Variants in SMG9 observed in about 807,000 individuals in gnomAD.
SMG9 encodes the protein SMG9 nonsense mediated mRNA decay factor.
A neutral mutation model predicts 64.0 loss-of-function variants in SMG9; 55 were observed. The ratio of observed to expected loss-of-function variants is 0.86; its 90% CI spans 0.69 to 1.08. SMG9 has a LOEUF of 1.08. Ranked by LOEUF, SMG9 falls within the 50% of genes least tolerant of loss-of-function variation. The pLI, the probability that SMG9 is intolerant of heterozygous loss-of-function variation, is 0.00. For missense variants in SMG9, 554 were observed against 681.3 expected, an observed-to-expected ratio of 0.81 and a Z score of 2.08; for synonymous variants, 244 against 254.8, an observed-to-expected ratio of 0.96 and a Z score of 0.41.
chr19:43,731,227 A>G lies in SMG9; in HGVS notation c.*369T>C, dbSNP rs1600186906. The G allele has an allele frequency of 1.9e-6, 2 of 1,052,426 alleles. No homozygotes were observed. Among genetic ancestry groups the G allele is most frequent in the Middle Eastern group, 4.5e-4 (1 of 2,230 alleles). 65.2% of individuals were successfully genotyped at this position (1,052,426 alleles called of 1,614,324 possible). A position where few individuals can be genotyped will look rare whatever the true frequency, so the allele number is the denominator to read the frequency against. On this transcript the variant is annotated 3_prime_UTR_variant, in exon 14 of 14. Coordinates refer to ENST00000270066, the MANE Select transcript of SMG9 (RefSeq NM_019108.4). ...CTCTCCAGACCCTGCCTCACCTTACAGGGAAGGGCTTAGAGTCAGGGAAGA... is the reference window on the plus strand; with the variant it reads ...CTCTCCAGACCCTGCCTCACCTTACGGGGAAGGGCTTAGAGTCAGGGAAGA...
chr19:43,739,338 C>T (rs546624314), intron 7 of SMG9, among the ~76,000 whole-genome samples: 1 of 152,332 alleles, frequency 6.6e-6, no homozygotes, highest in South Asian at 2.1e-4. Flanking sequence ...TGAAACCTCA[C>T]AAAACCCCTA....
At chr19:43,732,465 C>T (rs766411694) in intron 13 of SMG9, 3 of 188,692 alleles carry the variant, frequency 1.6e-5, no homozygotes, top group Non-Finnish European at 3.3e-5. Context: ...CTGCAGGGCC[C>T]TGCTTTCTGT....
rs575433529 is a variant in SMG9, at chr19:43,731,408, G to C, written c.*188C>G. 5.7e-6 allele frequency: 8 copies of C among 1,412,756 alleles called. No homozygotes were observed. Among genetic ancestry groups the C allele is most frequent in the Non-Finnish European group, 7.4e-6 (8 of 1,082,884 alleles). The allele number at this position is 1,412,756 out of a possible 1,614,324, so 87.5% of individuals were successfully genotyped here. ...GGTGGGATCGCTCACAGTCACCCCC[G>C]GAACAGCCCCAACTGAGGGTGGGGG... On this transcript the variant is annotated 3_prime_UTR_variant, in exon 14 of 14. Transcript: ENST00000270066.
Position 43,728,970 on chromosome 19 carries a change from A to G in SMG9, c.*2626T>C, listed in dbSNP as rs1968386012. On this transcript the variant is annotated 3_prime_UTR_variant, in exon 14 of 14. Transcript: ENST00000270066. ...CCAGGCCCATCTTGCAGCCCATCCT[A>G]GAGCAGAAGGCCTCCCTGCAGCAGT... 5 of 985,468 alleles carry G rather than the reference A, an allele frequency of 5.1e-6. No individual in the cohort carries two copies. Among genetic ancestry groups the G allele is most frequent in the Non-Finnish European group, 6.0e-6 (5 of 829,938 alleles). The allele number at this position is 985,468 out of a possible 1,614,324, so 61.0% of individuals were successfully genotyped here. A position where few individuals can be genotyped will look rare whatever the true frequency, so the allele number is the denominator to read the frequency against.
chr19:43,750,478 G>T (rs183405865), intron 2 of SMG9, 114 bp downstream of exon 2: 2 of 1,193,886 alleles, frequency 1.7e-6, no homozygotes, highest in East Asian at 4.9e-5. Context: ...ATCCATGAGG[G>T]TGGTAGGTTT....
intron 1 of SMG9, among the ~76,000 whole-genome samples, chr19:43,753,458 CTT>C (rs745479932): frequency 1.9e-4 from 23 of 118,578 alleles, no homozygotes; most frequent in African/African-American, 2.8e-4. Flanking sequence ...GAATGCTTTT[CTT>C]TTTTTTTTTT....
rs553951841 is a variant in SMG9 at position 43,748,480 on chromosome 19, TCA to T, written c.151-430_151-429del. On this transcript the variant is annotated intron_variant, in intron 2 of 13. Coordinates refer to ENST00000270066, the MANE Select transcript of SMG9 (RefSeq NM_019108.4). ...GTGAGTGGGTATGGGAATTCCTTCC[TCA>T]CAGACTATGATGAGGATGAAAGGAG... Among the ~76,000 whole-genome samples the T allele has an allele frequency of 1.5e-4, 23 of 152,344 alleles. 1 individual carries two copies. The South Asian group carries it at 4.8e-3, about 32-fold the overall frequency.
intron 10 of SMG9, 60 bp downstream of exon 10, chr19:43,734,329 G>C: frequency 7.3e-7 from 1 of 1,371,774 alleles, no homozygotes; most frequent in East Asian, 2.5e-5. Flanking sequence ...GCGTGCTCCT[G>C]ACTTTCAGCC....
rs762310039 is a variant in SMG9 at position 43,733,717 on chromosome 19, T to A, written c.1119A>T (p.Lys373Asn). The A allele has an allele frequency of 3.1e-6, 5 of 1,614,100 alleles. No homozygotes were observed. The South Asian group carries it at 5.5e-5, about 18-fold the overall frequency. The change falls in exon 11 of 14, where the codon AAA (lysine) becomes AAT (asparagine). Residue 373 changes from lysine (K) to asparagine (N), a missense_variant. Lys to Asn is a moderately conservative substitution (Grantham distance 94, BLOSUM62 0). Coordinates refer to ENST00000270066, the MANE Select transcript of SMG9 (RefSeq NM_019108.4). ...YYPHLVFLQNKARREDFCPRK... is the reference protein window; with the variant it reads ...YYPHLVFLQNNARREDFCPRK... ...GAGGACAGAAGTCCTCTCGGCGAGC[T>A]TTGTTCTGCAAGAAGACTGAGGGTG...
intron 2 of SMG9, among the ~76,000 whole-genome samples, chr19:43,749,010 T>A (rs556417875): frequency 2.6e-5 from 4 of 152,190 alleles, no homozygotes; most frequent in Non-Finnish European, 5.9e-5. Flanking sequence ...AATTTGGGAT[T>A]TTTTTGAACT....
rs1039319641 is a variant in SMG9, at chr19:43,754,951, C to G, written c.-304G>C. ...TGCGCATGCGCTGAGGGCTGGAGCT[C>G]GAGAACTGAATGCGCTCGCCGGGCT... is the stretch of plus-strand genomic sequence containing the variant. On this transcript the variant is annotated 5_prime_UTR_variant, in exon 1 of 14. Transcript: ENST00000270066. 2 of 152,260 alleles carry G rather than the reference C, an allele frequency of 1.3e-5. No individual in the cohort carries two copies. The highest frequency in any genetic ancestry group is 2.9e-5 in the Non-Finnish European group (2 of 68,072). 9.4% of individuals were successfully genotyped at this position (152,260 alleles called of 1,614,324 possible). A position where few individuals can be genotyped will look rare whatever the true frequency, so the allele number is the denominator to read the frequency against.
Position 43,728,347 on chromosome 19 carries a change from G to A in SMG9, c.*3249C>T, listed in dbSNP as rs553749560. The A allele has an allele frequency of 3.6e-4, 56 of 153,780 alleles. No homozygotes were observed. In the South Asian group the frequency reaches 9.3e-3, roughly 26 times the overall value. The allele number at this position is 153,780 out of a possible 1,614,324, so 9.5% of individuals were successfully genotyped here. On this transcript the variant is annotated 3_prime_UTR_variant, in exon 14 of 14. Transcript: ENST00000270066. ...CCCCTCTTGCTCCTGCTCTGGGCATGTGAAGTACCTGCTCCCAGTTCACCT... is the reference window on the plus strand; with the variant it reads ...CCCCTCTTGCTCCTGCTCTGGGCATATGAAGTACCTGCTCCCAGTTCACCT...
chr19:43,741,191 G>A (rs1289132160), intron 6 of SMG9, among the ~76,000 whole-genome samples: 1 of 152,268 alleles, frequency 6.6e-6, no homozygotes, highest in Non-Finnish European at 1.5e-5. Context: ...GAGGCGTGCA[G>A]TGCTCCAAGT....
At chr19:43,738,420 A>G (rs1968743916) in intron 7 of SMG9, among the ~76,000 whole-genome samples, 1 of 152,230 alleles carries the variant, frequency 6.6e-6, no homozygotes, top group Non-Finnish European at 1.5e-5. Flanking sequence ...GTTGCTCGCA[A>G]GCACCTCATG....
At position 43,731,121 on chromosome 19, in the gene SMG9, G is replaced by T; in HGVS notation, c.*475C>A. 2.0e-6 allele frequency: 2 copies of T among 987,402 alleles called. No homozygotes were observed. The highest frequency in any genetic ancestry group is 2.4e-6 in the Non-Finnish European group (2 of 831,352). 61.2% of individuals were successfully genotyped at this position (987,402 alleles called of 1,614,324 possible). ...GTCCTGCTTCCCAGAGCTGCATGGTGGGTAGAGGAGTAAGTGGAACATAAG... is the reference window on the plus strand; with the variant it reads ...GTCCTGCTTCCCAGAGCTGCATGGTTGGTAGAGGAGTAAGTGGAACATAAG... On this transcript the variant is annotated 3_prime_UTR_variant, in exon 14 of 14. Transcript: ENST00000270066.
intron 2 of SMG9, chr19:43,750,343 T>C (rs2146408819): frequency 1.5e-6 from 1 of 681,128 alleles, no homozygotes; most frequent in Non-Finnish European, 2.7e-6. Context: ...GCTCTTCATC[T>C]CAGATGCTGG....
intron 6 of SMG9, among the ~76,000 whole-genome samples, chr19:43,742,134 C>T (rs1050124149): frequency 2.6e-5 from 4 of 152,074 alleles, no homozygotes; most frequent in African/African-American, 4.8e-5. Flanking sequence ...GGTGACAAAG[C>T]GACAATTGTC....
chr19:43,740,941 A>G (rs1411190020), intron 6 of SMG9, among the ~76,000 whole-genome samples: 1 of 152,216 alleles, frequency 6.6e-6, no homozygotes, highest in Non-Finnish European at 1.5e-5. Context: ...TGAAATCTGT[A>G]AAATCAGGGT....
chr19:43,750,075 T>C, intron 2 of SMG9: 1 of 503,144 alleles, frequency 2.0e-6, no homozygotes, highest in Non-Finnish European at 4.0e-6. Context: ...TATTATGACA[T>C]GACCCTTTAA....
Sources: gnomAD v4.1 joint callset for allele counts (sites outside exome capture counted in the v4.1 genomes callset) on GRCh38, gnomAD v4.1.1 for gene constraint, MANE v1.5 for transcripts, NCBI Gene and HGNC (gene_info 2026-07-23, HGNC 2026-07-21) for gene names.